The following PPARG variants were observed in gnomAD, a reference collection of about 807,000 sequenced individuals.
The protein encoded by PPARG is peroxisome proliferator-activated receptor gamma.
PPARG carries 17 observed loss-of-function variants against 39.2 expected under a neutral mutation model. The ratio of observed to expected loss-of-function variants is 0.43; its 90% CI spans 0.30 to 0.65. The LOEUF is 0.65. Ranked by LOEUF, PPARG falls within the 30% of genes least tolerant of loss-of-function variation. The probability of loss-of-function intolerance (pLI) is 0.13; values close to 1 mark genes in which losing one functional copy is unlikely to be tolerated. For synonymous variants in PPARG, 223 were observed against 215.7 expected (o/e 1.03, Z -0.30); for missense variants, 406 against 585.9 (o/e 0.69, Z 3.17).
intron 7 of PPARG, among the ~76,000 whole-genome samples, chr3:12,433,550 AAAG>A (rs1206507661): frequency 1.3e-5 from 2 of 150,988 alleles, no homozygotes; most frequent in Non-Finnish European, 2.9e-5. Context: ...AAAAAAAAAA[AAAG>A]AAAAGAAAAG....
At chr3:12,391,256 C>G (rs2050067775) in intron 4 of PPARG, among the ~76,000 whole-genome samples, 1 of 151,996 alleles carries the variant, frequency 6.6e-6, no homozygotes, top group East Asian at 1.9e-4. Flanking sequence ...GAGGGAGGGG[C>G]AGAAAATAAA....
At chr3:12,292,184 C>T (rs1166739716) in intron 1 of PPARG, among the ~76,000 whole-genome samples, 1 of 152,098 alleles carries the variant, frequency 6.6e-6, no homozygotes, top group East Asian at 1.9e-4. Flanking sequence ...TTGTATTTTC[C>T]ATTCCCTGAT....
intron 5 of PPARG, chr3:12,399,410 T>C (rs2125234817): frequency 2.2e-6 from 1 of 456,052 alleles, no homozygotes; most frequent in East Asian, 7.0e-5. Context: ...CAGGCACAAG[T>C]TGGTTTTTCT....
intron 1 of PPARG, among the ~76,000 whole-genome samples, chr3:12,298,324 A>AAAAAAAAAAAAGAAAG (rs764771478): frequency 7.4e-6 from 1 of 134,644 alleles, no homozygotes; most frequent in Non-Finnish European, 1.6e-5. Context: ...AAAAAAAAAA[A>AAAAAAAAAAAAGAAAG]AAAGAAATGT....
chr3:12,325,640 C>T (rs2047674723), intron 2 of PPARG, among the ~76,000 whole-genome samples: 1 of 151,164 alleles, frequency 6.6e-6, no homozygotes, highest in South Asian at 2.1e-4. Flanking sequence ...TAGTATAGAA[C>T]TCTTCCCAGT....
At chr3:12,413,858 G>T (rs1487142892) in intron 6 of PPARG, among the ~76,000 whole-genome samples, 1 of 151,826 alleles carries the variant, frequency 6.6e-6, no homozygotes, top group Non-Finnish European at 1.5e-5. Context: ...TGGCATGATG[G>T]TGGGGTGCTG....
At chr3:12,330,375 T>C (rs1427170373) in intron 2 of PPARG, among the ~76,000 whole-genome samples, 1 of 151,852 alleles carries the variant, frequency 6.6e-6, no homozygotes, top group African/African-American at 2.4e-5. Flanking sequence ...GATTTGCATT[T>C]TCCTAATGGC....
intron 5 of PPARG, among the ~76,000 whole-genome samples, chr3:12,403,828 T>TTTCCA (rs2050563228): frequency 6.6e-6 from 1 of 152,220 alleles, no homozygotes; most frequent in Non-Finnish European, 1.5e-5. Flanking sequence ...TGGGGTTTTC[T>TTTCCA]TTCCATTGTA....
chr3:12,424,215 T>A (rs1040688117), intron 7 of PPARG, among the ~76,000 whole-genome samples: 1 of 152,224 alleles, frequency 6.6e-6, no homozygotes, highest in Admixed American at 6.5e-5. Context: ...GGGGATAGAA[T>A]GATGGGGAGG....
chr3:12,425,440 C>T lies in PPARG; in HGVS notation c.1180+8286C>T, dbSNP rs4135296. 4.9e-3 allele frequency among the ~76,000 whole-genome samples: 740 copies of T among 152,192 alleles called. 1 individual carries two copies. The highest frequency in any genetic ancestry group is 7.2e-3 in the Non-Finnish European group (490 of 68,004). ...GCCCTTCATGTGCTGTTGCCATTTC[C>T]AGAAGTTGAGGGAGTAAGGAAGGGT... On this transcript the variant is annotated intron_variant, in intron 7 of 7. Coordinates refer to ENST00000651735, the MANE Select transcript of PPARG (RefSeq NM_138711.6).
At chr3:12,364,141 A>T (rs2048939548) in intron 2 of PPARG, among the ~76,000 whole-genome samples, 1 of 152,192 alleles carries the variant, frequency 6.6e-6, no homozygotes, top group Non-Finnish European at 1.5e-5. Flanking sequence ...GTATAAGGAC[A>T]CATATCCACC....
chr3:12,320,264 G>T (rs1305112215), intron 2 of PPARG, among the ~76,000 whole-genome samples: 2 of 152,172 alleles, frequency 1.3e-5, no homozygotes, highest in Non-Finnish European at 1.5e-5. Context: ...ATCGCTAGAG[G>T]AATGTGCGTC....
At chr3:12,406,164 G>A (rs758624637) in intron 6 of PPARG, 83 bp downstream of exon 6, 96 of 1,274,640 alleles carry the variant, frequency 7.5e-5, no homozygotes, top group Middle Eastern at 1.8e-4. Context: ...GGTTTACTGC[G>A]CTACAAATGC....
At chr3:12,378,825 G>T (rs2049514030) in intron 2 of PPARG, among the ~76,000 whole-genome samples, 1 of 152,148 alleles carries the variant, frequency 6.6e-6, no homozygotes, top group Non-Finnish European at 1.5e-5. Flanking sequence ...TGCTAAGACA[G>T]TAGATGTTAA....
intron 2 of PPARG, chr3:12,351,637 T>C: frequency 6.2e-7 from 1 of 1,611,898 alleles, no homozygotes. Flanking sequence ...CAGAAAGCGA[T>C]TCCTTCACTG....
chr3:12,319,559 ATCTT>A, intron 2 of PPARG, among the ~76,000 whole-genome samples: 1 of 152,306 alleles, frequency 6.6e-6, no homozygotes, highest in South Asian at 2.1e-4. Flanking sequence ...AAACCACAAA[ATCTT>A]TCTTGTCACT....
intron 1 of PPARG, among the ~76,000 whole-genome samples, chr3:12,306,541 T>C (rs570106505): frequency 6.6e-6 from 1 of 152,312 alleles, no homozygotes; most frequent in South Asian, 2.1e-4. Context: ...TTTGCAAGTA[T>C]TTGGCCTTCC....
rs531627932 is a variant in PPARG, at chr3:12,325,453, C to T, written c.-9+13000C>T. Among the ~76,000 whole-genome samples, 6 of 151,454 alleles carry T rather than the reference C, an allele frequency of 4.0e-5. No individual in the cohort carries two copies. The South Asian group carries it at 8.3e-4, about 21-fold the overall frequency. On this transcript the variant is annotated intron_variant, in intron 2 of 7. Transcript: ENST00000651735. The stretch of plus-strand genomic sequence containing the variant: ...AATAAATAAATAAAAGTATAAAAAA[C>T]GAGCCAGTGTCGTGGTGTGCACCTG...
chr3:12,316,060 G>A (rs1220875803), intron 2 of PPARG, among the ~76,000 whole-genome samples: 1 of 152,062 alleles, frequency 6.6e-6, no homozygotes, highest in Admixed American at 6.6e-5. Flanking sequence ...GTAGTACTAC[G>A]GGAACTTTCA....
Sources: allele counts gnomAD v4.1 joint callset (sites outside exome capture counted in the v4.1 genomes callset), GRCh38; gene constraint gnomAD v4.1.1; transcripts MANE v1.5; gene names NCBI Gene and HGNC (gene_info 2026-07-23, HGNC 2026-07-21).